RBFOX1: variants seen among roughly 807,000 people sequenced by gnomAD.
The protein encoded by RBFOX1 is RNA binding protein fox-1 homolog 1.
RBFOX1 carries 8 observed loss-of-function variants against 57.7 expected under a neutral mutation model. That is an observed-to-expected ratio of 0.14 (90% CI 0.08 to 0.25). The LOEUF (loss-of-function observed/expected upper bound fraction) is 0.25. Ranked by LOEUF, RBFOX1 falls within the 10% of genes least tolerant of loss-of-function variation. The pLI, the probability that RBFOX1 is intolerant of heterozygous loss-of-function variation, is 1.00. For synonymous variants in RBFOX1, 326 were observed against 222.4 expected (o/e 1.47, Z -4.15); for missense variants, 611 against 548.5 (o/e 1.11, Z -1.14).
chr16:7,445,553 T>C (rs2098801458), intron 4 of RBFOX1, among the ~76,000 whole-genome samples: 1 of 152,118 alleles, frequency 6.6e-6, no homozygotes, highest in African/African-American at 2.4e-5. Flanking sequence ...GGGATTGGGG[T>C]CATTTGATTC....
intron 5 of RBFOX1, among the ~76,000 whole-genome samples, chr16:7,521,056 C>T (rs1321239967): frequency 6.6e-6 from 1 of 151,398 alleles, no homozygotes; most frequent in Non-Finnish European, 1.5e-5. Flanking sequence ...AATATGGGTA[C>T]CGTAGGAAAA....
At chr16:6,523,125 T>C (rs1300983947) in intron 2 of RBFOX1, among the ~76,000 whole-genome samples, 1 of 152,246 alleles carries the variant, frequency 6.6e-6, no homozygotes, top group Non-Finnish European at 1.5e-5. Context: ...CAATTGCCTT[T>C]TTCTGCCAAC....
At chr16:7,117,836 G>A (rs1029788710) in intron 4 of RBFOX1, among the ~76,000 whole-genome samples, 2 of 152,168 alleles carry the variant, frequency 1.3e-5, no homozygotes, top group Non-Finnish European at 2.9e-5. Context: ...CTGCTTTCAA[G>A]CTCCCTCAGG....
At chr16:6,565,889 C>A (rs1271990077) in intron 2 of RBFOX1, among the ~76,000 whole-genome samples, 1 of 152,198 alleles carries the variant, frequency 6.6e-6, no homozygotes, top group Non-Finnish European at 1.5e-5. Flanking sequence ...ACATAACCCC[C>A]AATATCCATG....
At chr16:7,568,003 A>G in intron 5 of RBFOX1, among the ~76,000 whole-genome samples, 1 of 151,974 alleles carries the variant, frequency 6.6e-6, no homozygotes, top group Non-Finnish European at 1.5e-5. Context: ...ATTTCATTTA[A>G]AAATAGATGT....
chr16:7,521,289 C>T (rs1322323459), intron 5 of RBFOX1, among the ~76,000 whole-genome samples: 1 of 152,128 alleles, frequency 6.6e-6, no homozygotes, highest in Non-Finnish European at 1.5e-5. Flanking sequence ...AAAAGATGAA[C>T]CGGGAGGAAT....
intron 3 of RBFOX1, among the ~76,000 whole-genome samples, chr16:6,657,821 C>G (rs79626915): frequency 0.037 from 5,558 of 151,936 alleles, 251 homozygotes; most frequent in East Asian, 0.1. Context: ...TTCTTTAAAG[C>G]TCTTTTTATT....
rs148499407 is a variant in RBFOX1, at chr16:6,312,759, C to T, written c.-126-4236C>T. Among the ~76,000 whole-genome samples the T allele has an allele frequency of 2.1e-3, 311 of 151,216 alleles. 3 individuals are homozygous for T. Among genetic ancestry groups the T allele is most frequent in the African/African-American group, 7.1e-3 (294 of 41,130 alleles). On this transcript the variant is annotated intron_variant, in intron 1 of 15. Transcript: ENST00000550418. Reference sequence around the variant, plus strand: ...TTACTTCTTTCCTTCCCCCTCCCTCCGTCCCTCCCTGTTTCCCTACCTTCC... The same window carrying T: ...TTACTTCTTTCCTTCCCCCTCCCTCTGTCCCTCCCTGTTTCCCTACCTTCC...
At chr16:7,164,327 G>A (rs1448143010) in intron 4 of RBFOX1, among the ~76,000 whole-genome samples, 4 of 152,046 alleles carry the variant, frequency 2.6e-5, no homozygotes, top group African/African-American at 9.7e-5. Flanking sequence ...AGTATTCCAT[G>A]GTCTGTATAT....
intron 14 of RBFOX1, among the ~76,000 whole-genome samples, chr16:7,707,711 A>C (rs1012036351): frequency 1.3e-5 from 2 of 152,142 alleles, no homozygotes; most frequent in Non-Finnish European, 2.9e-5. Context: ...TAATGCCGAA[A>C]ACTTATGTAG....
chr16:6,990,332 C>T (rs1017579453), intron 3 of RBFOX1, among the ~76,000 whole-genome samples: 4 of 152,114 alleles, frequency 2.6e-5, no homozygotes, highest in Non-Finnish European at 4.4e-5. Context: ...CGAGACCAGC[C>T]TGGCCAACAT....
chr16:7,682,283 T>C (rs530365219), intron 14 of RBFOX1, among the ~76,000 whole-genome samples: 1 of 152,210 alleles, frequency 6.6e-6, no homozygotes, highest in East Asian at 1.9e-4. Flanking sequence ...TGGAAAAATA[T>C]AGTGAGAGCA....
At chr16:6,308,479 C>G (rs539243770) in intron 1 of RBFOX1, among the ~76,000 whole-genome samples, 170 of 152,290 alleles carry the variant, frequency 1.1e-3, no homozygotes, top group Non-Finnish European at 1.7e-3. Flanking sequence ...AAAATACTGG[C>G]TGTGTGTTGA....
chr16:6,387,722 G>A (rs928774282), intron 2 of RBFOX1, among the ~76,000 whole-genome samples: 2 of 152,014 alleles, frequency 1.3e-5, no homozygotes, highest in South Asian at 2.1e-4. Flanking sequence ...TGTATAGTGG[G>A]CACCTGTCAA....
At chr16:6,658,335 G>A (rs547924433) in intron 3 of RBFOX1, among the ~76,000 whole-genome samples, 4 of 151,806 alleles carry the variant, frequency 2.6e-5, no homozygotes, top group African/African-American at 9.7e-5. Flanking sequence ...CCGCCTCCCG[G>A]GTTCAAGCGA....
chr16:5,858,815 T>C (rs1377959087), intron 3 of RBFOX1, among the ~76,000 whole-genome samples: 3 of 152,146 alleles, frequency 2.0e-5, no homozygotes, highest in African/African-American at 4.8e-5. Flanking sequence ...TTTACACTTA[T>C]GGTTAAAATT....
At chr16:6,478,429 ATTTTTTTTT>A (rs58352204) in intron 2 of RBFOX1, among the ~76,000 whole-genome samples, 46 of 24,626 alleles carry the variant, frequency 1.9e-3, no homozygotes, top group African/African-American at 5.6e-3. Flanking sequence ...ATATATATAT[ATTTTTTTTT>A]TTTTTTTTTG....
intron 2 of RBFOX1, among the ~76,000 whole-genome samples, chr16:6,472,104 C>A (rs917330448): frequency 2.0e-5 from 3 of 152,190 alleles, no homozygotes; most frequent in Non-Finnish European, 1.5e-5. Context: ...ACAAATTTAC[C>A]TGATCTTCCC....
intron 1 of RBFOX1, among the ~76,000 whole-genome samples, chr16:6,152,375 A>C (rs904224440): frequency 5.3e-5 from 8 of 151,940 alleles, no homozygotes; most frequent in Non-Finnish European, 8.8e-5. Flanking sequence ...GCTTCATCCA[A>C]ATATGCATGG....
Sources: gnomAD v4.1 joint callset for allele counts (sites outside exome capture counted in the v4.1 genomes callset) on GRCh38, gnomAD v4.1.1 for gene constraint, MANE v1.5 for transcripts, NCBI Gene and HGNC (gene_info 2026-07-23, HGNC 2026-07-21) for gene names.